CCDC85A: variants seen among roughly 807,000 people sequenced by gnomAD.
CCDC85A encodes the protein coiled-coil domain-containing protein 85A.
In CCDC85A, 38 loss-of-function variants were observed where a neutral mutation model predicts 50.2. That is an observed-to-expected ratio of 0.76 (90% CI 0.58 to 0.99). The LOEUF (loss-of-function observed/expected upper bound fraction) is 0.99. Ranked by LOEUF, CCDC85A falls within the 50% of genes least tolerant of loss-of-function variation. The probability of loss-of-function intolerance (pLI) is 0.00; values close to 1 mark genes in which losing one functional copy is unlikely to be tolerated. For synonymous variants in CCDC85A, 366 were observed against 301.4 expected (o/e 1.21, Z -2.22); for missense variants, 820 against 742.0 (o/e 1.11, Z -1.22).
intron 2 of CCDC85A, among the ~76,000 whole-genome samples, chr2:56,254,065 TATACAC>T (rs1275994953): frequency 6.6e-6 from 1 of 152,198 alleles, no homozygotes; most frequent in African/African-American, 2.4e-5. Context: ...TGCACACACA[TATACAC>T]ATATACATAT....
At chr2:56,252,450 C>T (rs1260100134) in intron 2 of CCDC85A, among the ~76,000 whole-genome samples, 1 of 152,096 alleles carries the variant, frequency 6.6e-6, no homozygotes, top group Non-Finnish European at 1.5e-5. Context: ...GGGGGTGTGT[C>T]AGATGTTAAT....
intron 2 of CCDC85A, among the ~76,000 whole-genome samples, chr2:56,303,238 C>T (rs1413797847): frequency 6.6e-6 from 1 of 152,102 alleles, no homozygotes; most frequent in African/African-American, 2.4e-5. Flanking sequence ...TCCTCTGTAT[C>T]TCCCCAGTCA....
At chr2:56,339,661 CA>C (rs1674258477) in intron 2 of CCDC85A, among the ~76,000 whole-genome samples, 1 of 151,530 alleles carries the variant, frequency 6.6e-6, no homozygotes, top group African/African-American at 2.4e-5. Flanking sequence ...AAATTGTGAA[CA>C]AAAAAGAAAA....
chr2:56,190,720 T>C (rs1484784770), intron 1 of CCDC85A, among the ~76,000 whole-genome samples: 1 of 152,126 alleles, frequency 6.6e-6, no homozygotes, highest in Admixed American at 6.5e-5. Context: ...TGTTCCCACC[T>C]TCTCCACTGC....
chr2:56,238,926 C>G (rs909081038), intron 2 of CCDC85A, among the ~76,000 whole-genome samples: 5 of 152,098 alleles, frequency 3.3e-5, no homozygotes, highest in African/African-American at 1.2e-4. Context: ...TCCTTTATAT[C>G]TCTTTAAAAT....
chr2:56,348,304 C>T (rs142866170), intron 3 of CCDC85A, among the ~76,000 whole-genome samples: 10 of 152,258 alleles, frequency 6.6e-5, no homozygotes, highest in African/African-American at 2.4e-4. Context: ...CATTTGCAAG[C>T]CAGTTTCTGA....
intron 3 of CCDC85A, among the ~76,000 whole-genome samples, chr2:56,348,678 G>A (rs1185300117): frequency 6.6e-6 from 1 of 152,140 alleles, no homozygotes; most frequent in Non-Finnish European, 1.5e-5. Context: ...CACTTCCATG[G>A]CAACACAGTG....
intron 2 of CCDC85A, among the ~76,000 whole-genome samples, chr2:56,214,474 T>C (rs1025101036): frequency 1.3e-5 from 2 of 152,006 alleles, no homozygotes; most frequent in Non-Finnish European, 2.9e-5. Flanking sequence ...AGGATGCTAA[T>C]AATCTAGTGA....
chr2:56,199,367 G>A (rs541625408), intron 2 of CCDC85A, among the ~76,000 whole-genome samples: 2 of 152,158 alleles, frequency 1.3e-5, no homozygotes, highest in Non-Finnish European at 2.9e-5. Context: ...TCAGAAATAA[G>A]AGTGTAAAGT....
chr2:56,343,133 T>C (rs1282609990), intron 3 of CCDC85A, among the ~76,000 whole-genome samples, 178 bp downstream of exon 3: 1 of 152,190 alleles, frequency 6.6e-6, no homozygotes, highest in Admixed American at 6.5e-5. Flanking sequence ...TTATCCAGAT[T>C]TCTAAGTGTT....
intron 1 of CCDC85A, among the ~76,000 whole-genome samples, chr2:56,191,695 A>T (rs1319985283): frequency 6.6e-6 from 1 of 152,174 alleles, no homozygotes; most frequent in Non-Finnish European, 1.5e-5. Flanking sequence ...TTGGGGAGAG[A>T]GGTCTCTTAA....
rs1379000217 is a variant in CCDC85A, at chr2:56,383,542, T to C, written c.1573-724T>C. On this transcript the variant is annotated intron_variant, in intron 5 of 5. Coordinates refer to ENST00000407595, the MANE Select transcript of CCDC85A (RefSeq NM_001080433.2). ...TCTATGTGGCCCAGCTTCTAACATA[T>C]TGTAATTGTATCTCTTTCAGTGATT... is the stretch of plus-strand genomic sequence containing the variant. 4.1e-6 allele frequency: 4 copies of C among 973,414 alleles called. No homozygotes were observed. The African/African-American group carries it at 5.3e-5, about 13-fold the overall frequency. The allele number at this position is 973,414 out of a possible 1,614,324, so 60.3% of individuals were successfully genotyped here.
intron 2 of CCDC85A, among the ~76,000 whole-genome samples, chr2:56,268,748 C>T (rs945582209): frequency 3.3e-5 from 5 of 151,746 alleles, no homozygotes; most frequent in Admixed American, 3.3e-4. Flanking sequence ...TTTAAATAAC[C>T]TCTATTGTCC....
intron 3 of CCDC85A, among the ~76,000 whole-genome samples, chr2:56,351,992 G>A (rs564211784): frequency 1.3e-5 from 2 of 151,992 alleles, no homozygotes; most frequent in Non-Finnish European, 2.9e-5. Context: ...TTAGGTCTAA[G>A]GTTTAAGTCT....
chr2:56,199,081 T>A (rs1558579972), intron 2 of CCDC85A, among the ~76,000 whole-genome samples: 1 of 152,218 alleles, frequency 6.6e-6, no homozygotes, highest in Non-Finnish European at 1.5e-5. Flanking sequence ...ATGTGACCAT[T>A]GAATTAGTGA....
At chr2:56,327,994 A>C (rs1462504701) in intron 2 of CCDC85A, among the ~76,000 whole-genome samples, 1 of 152,106 alleles carries the variant, frequency 6.6e-6, no homozygotes, top group African/African-American at 2.4e-5. Context: ...AGATACTGTA[A>C]TTATCTGCTT....
intron 2 of CCDC85A, among the ~76,000 whole-genome samples, chr2:56,229,489 C>T (rs971424339): frequency 8.5e-5 from 13 of 152,094 alleles, no homozygotes; most frequent in African/African-American, 2.9e-4. Flanking sequence ...CTTAGTTCTT[C>T]AAGCTTTTCT....
chr2:56,369,831 C>T (rs1362543187), intron 3 of CCDC85A, among the ~76,000 whole-genome samples: 3 of 151,986 alleles, frequency 2.0e-5, no homozygotes, highest in African/African-American at 2.4e-5. Flanking sequence ...TGAAATACTT[C>T]GTTTTCTGAA....
intron 2 of CCDC85A, among the ~76,000 whole-genome samples, chr2:56,267,042 T>C (rs1185367028): frequency 2.6e-5 from 4 of 152,182 alleles, no homozygotes; most frequent in African/African-American, 9.7e-5. Flanking sequence ...TAGCTTTTTT[T>C]TTTCTAATAT....
Sources: allele counts gnomAD v4.1 joint callset (sites outside exome capture counted in the v4.1 genomes callset), GRCh38; gene constraint gnomAD v4.1.1; transcripts MANE v1.5; gene names NCBI Gene and HGNC (gene_info 2026-07-23, HGNC 2026-07-21).